CRIM1: variants seen among roughly 807,000 people sequenced by gnomAD.
CRIM1 encodes the protein cysteine-rich motor neuron 1 protein.
A neutral mutation model predicts 116.4 loss-of-function variants in CRIM1; 32 were observed. That is an observed-to-expected ratio of 0.27 (90% CI 0.21 to 0.37). The LOEUF (loss-of-function observed/expected upper bound fraction) is 0.37. Among genes scored for constraint, CRIM1 ranks in the 10% least tolerant of loss-of-function variants. The pLI, the probability that CRIM1 is intolerant of heterozygous loss-of-function variation, is 1.00. For synonymous variants in CRIM1, 590 were observed against 509.2 expected (o/e 1.16, Z -2.13); for missense variants, 1,331 against 1,354.8 (o/e 0.98, Z 0.28).
rs1572539400 is a variant in CRIM1 at position 36,356,763 on chromosome 2, G to T, written c.331+140G>T. 1.3e-6 allele frequency: 1 copy of T among 794,246 alleles called. No individual in the cohort carries two copies. Among genetic ancestry groups the T allele is most frequent in the East Asian group, 2.7e-5 (1 of 37,050 alleles). 49.2% of individuals were successfully genotyped at this position (794,246 alleles called of 1,614,324 possible). A position where few individuals can be genotyped will look rare whatever the true frequency, so the allele number is the denominator to read the frequency against. On this transcript the variant is annotated intron_variant, in intron 1 of 16. Coordinates refer to ENST00000280527, the MANE Select transcript of CRIM1 (RefSeq NM_016441.3). The surrounding 1 kb of genome is among the most constrained non-coding windows in gnomAD (Gnocchi z 4.3). ...AGAGGGGCGGCCGCCGCCCCCAGGA[G>T]AGTGCCCCCGCGGCCCTGCGTTCCC...
chr2:36,494,751 C>T (rs1416451814), intron 7 of CRIM1, among the ~76,000 whole-genome samples: 1 of 152,180 alleles, frequency 6.6e-6, no homozygotes, highest in Non-Finnish European at 1.5e-5. Context: ...TAGAATTCTT[C>T]TCCACAAGGA....
At chr2:36,457,409 G>A (rs1677220078) in intron 4 of CRIM1, among the ~76,000 whole-genome samples, 1 of 152,186 alleles carries the variant, frequency 6.6e-6, no homozygotes, top group South Asian at 2.1e-4. Context: ...AAGGGAAAGT[G>A]TTGAAGAAGG....
At chr2:36,403,447 G>T (rs1672563658) in intron 2 of CRIM1, among the ~76,000 whole-genome samples, 1 of 152,198 alleles carries the variant, frequency 6.6e-6, no homozygotes, top group African/African-American at 2.4e-5. Context: ...GCATTCATAA[G>T]ATGGATAAAT....
intron 4 of CRIM1, among the ~76,000 whole-genome samples, chr2:36,462,840 A>G (rs1677688719): frequency 6.6e-6 from 1 of 152,210 alleles, no homozygotes; most frequent in African/African-American, 2.4e-5. Flanking sequence ...CAGTATGATT[A>G]TGTGCTTACC....
In CRIM1 at chr2:36,407,186, A is replaced by G. The variant is rs562170222; in HGVS notation, c.505+10399A>G. On this transcript the variant is annotated intron_variant, in intron 2 of 16. Coordinates refer to ENST00000280527, the MANE Select transcript of CRIM1 (RefSeq NM_016441.3). Reference sequence around the variant, plus strand: ...TGTTTGTAAAGACAATCACAAATTGACAATATTCTTTGTCTTTTCTTTTTT... The same window carrying G: ...TGTTTGTAAAGACAATCACAAATTGGCAATATTCTTTGTCTTTTCTTTTTT... Among the ~76,000 whole-genome samples, 5 of 152,324 alleles carry G rather than the reference A, an allele frequency of 3.3e-5. No homozygotes were observed. In the South Asian group the frequency reaches 1.0e-3, roughly 32 times the overall value.
At chr2:36,442,818 C>A in intron 4 of CRIM1, 83 bp downstream of exon 4, 1 of 1,524,874 alleles carries the variant, frequency 6.6e-7, no homozygotes, top group Non-Finnish European at 9.0e-7. Flanking sequence ...AGTTTGTTTT[C>A]CCATGAGAAA....
chr2:36,502,436 A>G (rs1681065670), intron 8 of CRIM1, among the ~76,000 whole-genome samples: 1 of 152,224 alleles, frequency 6.6e-6, no homozygotes, highest in Admixed American at 6.5e-5. Flanking sequence ...AGGAAGAAAT[A>G]GGTACAGGAG....
chr2:36,470,240 G>C (rs959337928), intron 5 of CRIM1, among the ~76,000 whole-genome samples: 1 of 152,166 alleles, frequency 6.6e-6, no homozygotes, highest in African/African-American at 2.4e-5. Context: ...TTTCACTTTG[G>C]TTTTAATTTG....
intron 5 of CRIM1, among the ~76,000 whole-genome samples, chr2:36,473,365 C>G (rs1678693913): frequency 6.6e-6 from 1 of 152,020 alleles, no homozygotes; most frequent in Non-Finnish European, 1.5e-5. Flanking sequence ...TTAAAAATAG[C>G]TTTAGGAGAC....
At chr2:36,432,199 G>A (rs1257316544) in intron 2 of CRIM1, among the ~76,000 whole-genome samples, 2 of 152,142 alleles carry the variant, frequency 1.3e-5, no homozygotes, top group African/African-American at 2.4e-5. Flanking sequence ...AATGTGTTCG[G>A]TGGGGGAGGT....
In CRIM1 at chr2:36,537,515, C is replaced by T. The variant is rs764469949; in HGVS notation, c.2592C>T (p.Asn864=). Residue 864 remains asparagine (N), a synonymous_variant, in exon 14 of 17, where the codon AAC becomes AAT. Transcript: ENST00000280527. The part of the protein sequence containing the change: ...CPPLPCVEPI[N]VEGSCCPMCP... The stretch of plus-strand genomic sequence containing the variant: ...CTCTGCCCTGTGTTGAGCCCATCAA[C>T]GTGGAAGGAAGTTGCTGCCCAATGT... 6.2e-6 allele frequency: 10 copies of T among 1,613,012 alleles called. No homozygotes were observed. The highest frequency in any genetic ancestry group is 3.3e-5 in the South Asian group (3 of 90,860).
chr2:36,382,422 G>A (rs1359736140), intron 1 of CRIM1, among the ~76,000 whole-genome samples: 1 of 152,210 alleles, frequency 6.6e-6, no homozygotes, highest in African/African-American at 2.4e-5. Context: ...TAACTTCTGT[G>A]CCCAGGGTAG....
At chr2:36,491,631 G>A (rs973645810) in intron 7 of CRIM1, among the ~76,000 whole-genome samples, 3 of 152,126 alleles carry the variant, frequency 2.0e-5, no homozygotes, top group African/African-American at 7.2e-5. Context: ...CAGTTCTATA[G>A]ACCAAACTGT....
At chr2:36,413,936 A>G (rs1447100322) in intron 2 of CRIM1, among the ~76,000 whole-genome samples, 1 of 152,228 alleles carries the variant, frequency 6.6e-6, no homozygotes, top group Non-Finnish European at 1.5e-5. Flanking sequence ...AAACGGTGAG[A>G]TCCGATTTTC....
chr2:36,532,219 C>G (rs911798679), intron 13 of CRIM1, among the ~76,000 whole-genome samples: 1 of 152,204 alleles, frequency 6.6e-6, no homozygotes, highest in Non-Finnish European at 1.5e-5. Flanking sequence ...GCGGCAGTAC[C>G]ATTGGAAGAG....
chr2:36,532,097 C>T (rs1174937247), intron 13 of CRIM1: 5 of 414,276 alleles, frequency 1.2e-5, no homozygotes, highest in African/African-American at 8.4e-5. Flanking sequence ...AAATAAGTAG[C>T]GAAGCCGATC....
At chr2:36,441,946 G>T (rs1443079392) in intron 3 of CRIM1, among the ~76,000 whole-genome samples, 3 of 152,160 alleles carry the variant, frequency 2.0e-5, no homozygotes, top group Non-Finnish European at 2.9e-5. Context: ...AACGCCAGAA[G>T]TTTCATAATG....
At chr2:36,458,146 T>C (rs1677291320) in intron 4 of CRIM1, among the ~76,000 whole-genome samples, 1 of 152,206 alleles carries the variant, frequency 6.6e-6, no homozygotes, top group African/African-American at 2.4e-5. Flanking sequence ...TCCTCTAGGA[T>C]ACGGGCAGAG....
intron 1 of CRIM1, among the ~76,000 whole-genome samples, chr2:36,358,021 A>G (rs1483307348): frequency 6.6e-6 from 1 of 152,140 alleles, no homozygotes; most frequent in African/African-American, 2.4e-5. Flanking sequence ...GTTCAGGAAA[A>G]TAGGGGAGGG....
Sources: gnomAD v4.1 joint callset for allele counts (sites outside exome capture counted in the v4.1 genomes callset) on GRCh38, gnomAD v4.1.1 for gene constraint, Gnocchi (gnomAD v3.1) non-coding constraint, MANE v1.5 for transcripts, NCBI Gene and HGNC (gene_info 2026-07-23, HGNC 2026-07-21) for gene names.